The following NTM variants were observed in gnomAD, a reference collection of about 807,000 sequenced individuals.
The protein encoded by NTM is neurotrimin, also known as IgLON family member 2.
A neutral mutation model predicts 42.1 loss-of-function variants in NTM; 13 were observed. The observed-to-expected ratio is 0.31, with a 90% CI of 0.20 to 0.49. The LOEUF (loss-of-function observed/expected upper bound fraction) is 0.49, where lower values mean the gene tolerates loss of function less well. Among genes scored for constraint, NTM ranks in the 20% least tolerant of loss-of-function variants. The pLI, the probability that NTM is intolerant of heterozygous loss-of-function variation, is 0.99. For synonymous variants in NTM, 187 were observed against 179.2 expected, an observed-to-expected ratio of 1.04 and a Z score of -0.35; for missense variants, 373 against 452.8, an observed-to-expected ratio of 0.82 and a Z score of 1.60.
intron 1 of NTM, among the ~76,000 whole-genome samples, chr11:131,745,035 T>G (rs1299880595): frequency 6.6e-6 from 1 of 152,228 alleles, no homozygotes; most frequent in Non-Finnish European, 1.5e-5. Flanking sequence ...CCGCTTGTGG[T>G]GTTTATAAAG....
At chr11:131,589,167 ATGTGTGTGTGTGTGTGTG>A (rs58237274) in intron 1 of NTM, among the ~76,000 whole-genome samples, 5 of 143,506 alleles carry the variant, frequency 3.5e-5, no homozygotes. Flanking sequence ...ACCTGGAAAA[ATGTGTGTGTGTGTGTGTG>A]TGTGTGTGTG....
intron 2 of NTM, among the ~76,000 whole-genome samples, chr11:132,018,850 C>A (rs1306361461): frequency 6.6e-6 from 1 of 151,934 alleles, no homozygotes; most frequent in Non-Finnish European, 1.5e-5. Context: ...AGAAGCCTGG[C>A]TTTTCTTTGC....
At chr11:132,247,737 C>T (rs552089527) in intron 4 of NTM, among the ~76,000 whole-genome samples, 3 of 152,250 alleles carry the variant, frequency 2.0e-5, no homozygotes, top group African/African-American at 7.2e-5. Context: ...TGCACATTCT[C>T]ATACCTTCCT....
chr11:132,296,375 A>G (rs557391894), intron 4 of NTM, among the ~76,000 whole-genome samples: 2 of 152,222 alleles, frequency 1.3e-5, no homozygotes, highest in Non-Finnish European at 2.9e-5. Flanking sequence ...TAGGGATTGA[A>G]TGTCCCAAAC....
chr11:132,134,747 A>ATATATATATATC (rs2067518341), intron 2 of NTM, among the ~76,000 whole-genome samples: 2 of 89,680 alleles, frequency 2.2e-5, no homozygotes, highest in African/African-American at 1.1e-4. Flanking sequence ...ATATATATAT[A>ATATATATATATC]TATATATATA....
intron 1 of NTM, among the ~76,000 whole-genome samples, chr11:131,862,376 A>T (rs567435099): frequency 1.3e-5 from 2 of 152,026 alleles, no homozygotes; most frequent in Non-Finnish European, 1.5e-5. Context: ...GTCCCTGAGG[A>T]AGGCTTCAAC....
intron 2 of NTM, among the ~76,000 whole-genome samples, chr11:131,964,052 A>G (rs2062535009): frequency 6.6e-6 from 1 of 152,218 alleles, no homozygotes; most frequent in South Asian, 2.1e-4. Context: ...CAGTGATTTT[A>G]TAATAAAAGA....
At chr11:131,746,022 G>C (rs565145058) in intron 1 of NTM, among the ~76,000 whole-genome samples, 2 of 152,010 alleles carry the variant, frequency 1.3e-5, no homozygotes, top group Non-Finnish European at 2.9e-5. Flanking sequence ...AAAAGAACAG[G>C]GCCCTGTGAG....
chr11:131,994,937 A>T (rs1296036497), intron 2 of NTM, among the ~76,000 whole-genome samples: 1 of 151,832 alleles, frequency 6.6e-6, no homozygotes, highest in Non-Finnish European at 1.5e-5. Flanking sequence ...CCCCTCTCTT[A>T]TTCCTCATTG....
At chr11:131,976,293 G>A (rs1380014196) in intron 2 of NTM, among the ~76,000 whole-genome samples, 3 of 152,152 alleles carry the variant, frequency 2.0e-5, no homozygotes, top group African/African-American at 4.8e-5. Flanking sequence ...GCATGGGTGA[G>A]TACAGGAGAT....
intron 2 of NTM, among the ~76,000 whole-genome samples, chr11:132,059,076 AC>A (rs2080190189): frequency 6.6e-6 from 1 of 152,060 alleles, no homozygotes; most frequent in South Asian, 2.1e-4. Context: ...CAGAAAAGAA[AC>A]CCCACTCTGG....
intron 2 of NTM, among the ~76,000 whole-genome samples, chr11:131,920,579 T>C (rs1444825153): frequency 6.6e-6 from 1 of 152,234 alleles, no homozygotes; most frequent in Non-Finnish European, 1.5e-5. Context: ...GATCTGTTTT[T>C]CTTAAATCTC....
chr11:132,188,711 C>A (rs1194798099), intron 3 of NTM, among the ~76,000 whole-genome samples: 1 of 152,164 alleles, frequency 6.6e-6, no homozygotes, highest in East Asian at 1.9e-4. Context: ...GAGACCCCTG[C>A]ATATACACAT....
intron 3 of NTM, among the ~76,000 whole-genome samples, chr11:132,206,626 G>C (rs1283691791): frequency 6.6e-6 from 1 of 152,160 alleles, no homozygotes; most frequent in African/African-American, 2.4e-5. Context: ...AGTAGAGCCG[G>C]ATCTCAGCCC....
At chr11:132,307,372 C>G (rs1011149062) in intron 4 of NTM, among the ~76,000 whole-genome samples, 1 of 152,106 alleles carries the variant, frequency 6.6e-6, no homozygotes, top group Non-Finnish European at 1.5e-5. Flanking sequence ...CAGAGCACGA[C>G]GGCTTGGTAA....
intron 1 of NTM, among the ~76,000 whole-genome samples, chr11:131,746,557 C>T (rs2081857066): frequency 6.6e-6 from 1 of 152,150 alleles, no homozygotes; most frequent in Non-Finnish European, 1.5e-5. Context: ...TTTTCCAGAT[C>T]AAGATAAGCA....
At chr11:131,705,384 C>G (rs956242940) in intron 1 of NTM, among the ~76,000 whole-genome samples, 2 of 152,028 alleles carry the variant, frequency 1.3e-5, no homozygotes, top group Admixed American at 6.6e-5. Flanking sequence ...CAAAGCTATC[C>G]TATACAAATG....
At position 131,590,179 on chromosome 11, in the gene NTM, CCA is replaced by C. The variant is rs1350347405; in HGVS notation, c.82+219292_82+219293del. Reference sequence around the variant, plus strand: ...GACAGGGAGAACCTCTGTCCCCTCCCCAGTCAAAAGTCATCTGTGTCCTTTCT... The same window carrying C: ...GACAGGGAGAACCTCTGTCCCCTCCCGTCAAAAGTCATCTGTGTCCTTTCT... On this transcript the variant is annotated intron_variant, in intron 1 of 8. Transcript: ENST00000683400. Among the ~76,000 whole-genome samples the C allele has an allele frequency of 2.6e-5, 4 of 152,282 alleles. No individual in the cohort carries two copies. In the East Asian group the frequency reaches 7.7e-4, roughly 29 times the overall value.
chr11:132,035,988 G>A (rs1335155095), intron 2 of NTM, among the ~76,000 whole-genome samples: 1 of 152,072 alleles, frequency 6.6e-6, no homozygotes, highest in Non-Finnish European at 1.5e-5. Flanking sequence ...TCATTACGCG[G>A]GGGTGACAAG....
Sources: allele counts gnomAD v4.1 joint callset (sites outside exome capture counted in the v4.1 genomes callset), GRCh38; gene constraint gnomAD v4.1.1; transcripts MANE v1.5; gene names NCBI Gene and HGNC (gene_info 2026-07-23, HGNC 2026-07-21).